MCM9: variants seen among roughly 807,000 people sequenced by gnomAD.
MCM9 encodes DNA helicase MCM9.
A neutral mutation model predicts 72.8 loss-of-function variants in MCM9; 55 were observed. The observed-to-expected ratio is 0.76, with a 90% confidence interval of 0.61 to 0.95. The LOEUF is 0.95. MCM9 is among the 40% of genes least tolerant of loss of function. The pLI, the probability that MCM9 is intolerant of heterozygous loss-of-function variation, is 0.00. For missense variants in MCM9, 1,279 were observed against 1,377.0 expected, an observed-to-expected ratio of 0.93 and a Z score of 1.13; for synonymous variants, 480 against 503.4, an observed-to-expected ratio of 0.95 and a Z score of 0.62.
At chr6:118,904,884 C>T (rs1780066171) in intron 8 of MCM9, among the ~76,000 whole-genome samples, 2 of 152,364 alleles carry the variant, frequency 1.3e-5, no homozygotes, top group South Asian at 4.1e-4. Context: ...TGTCGCCAGG[C>T]TGGAGTGCAG....
chr6:118,864,558 G>A (rs986825429), intron 8 of MCM9, among the ~76,000 whole-genome samples: 3 of 151,866 alleles, frequency 2.0e-5, no homozygotes, highest in African/African-American at 7.3e-5. Flanking sequence ...CACACTGGGC[G>A]ACTAAGAAAA....
intron 9 of MCM9, among the ~76,000 whole-genome samples, chr6:118,837,911 G>C (rs187016024): frequency 1.1e-4 from 17 of 152,242 alleles, no homozygotes; most frequent in Non-Finnish European, 2.1e-4. Flanking sequence ...TATGATGCTA[G>C]CTGGTTATTT....
chr6:118,902,166 A>AC (rs1779837419), intron 8 of MCM9, among the ~76,000 whole-genome samples: 1 of 152,188 alleles, frequency 6.6e-6, no homozygotes, highest in African/African-American at 2.4e-5. Flanking sequence ...TGGGTAACAG[A>AC]ATGCCCTGTT....
rs1047499145 is a variant in MCM9, at chr6:118,815,264, G to C, written c.2992C>G (p.Pro998Ala). The C allele has an allele frequency of 1.3e-6, 2 of 1,550,600 alleles. No homozygotes were observed. Among genetic ancestry groups the C allele is most frequent in the Middle Eastern group, 1.7e-4 (1 of 5,988 alleles). ...GETKEVSQQP[P>A]EKHGPREKVM... Reference sequence around the variant, plus strand: ...TTCTCTCTTGGTCCGTGTTTCTCTGGTGGCTGCTGCGACACCTCCTTTGTC... The same window carrying C: ...TTCTCTCTTGGTCCGTGTTTCTCTGCTGGCTGCTGCGACACCTCCTTTGTC... The change falls in exon 14 of 14, where the codon CCA (proline) becomes GCA (alanine). Residue 998 changes from proline to alanine, a missense_variant. Pro to Ala is a conservative substitution (Grantham distance 27). Coordinates refer to ENST00000619706, the MANE Select transcript of MCM9 (RefSeq NM_017696.3).
chr6:118,872,527 A>C (rs1777669158), intron 8 of MCM9, among the ~76,000 whole-genome samples: 1 of 152,112 alleles, frequency 6.6e-6, no homozygotes, highest in African/African-American at 2.4e-5. Flanking sequence ...CAGCAGGATC[A>C]CTTGAGGCCA....
Position 118,930,354 on chromosome 6 carries a change from T to C in MCM9, c.304+1066A>G, listed in dbSNP as rs1009749227. 6.6e-5 allele frequency among the ~76,000 whole-genome samples: 10 copies of C among 152,274 alleles called. No homozygotes were observed. The East Asian group carries it at 9.7e-4, about 15-fold the overall frequency. ...GTCTCGATTTCCTGACCTTGCGATC[T>C]GCCCGCCTTGGCCTCCCAAAGTGCT... On this transcript the variant is annotated intron_variant, in intron 3 of 13. Coordinates refer to ENST00000619706, the MANE Select transcript of MCM9 (RefSeq NM_017696.3).
chr6:118,914,927 T>G (rs1780820848), intron 6 of MCM9, among the ~76,000 whole-genome samples: 1 of 152,158 alleles, frequency 6.6e-6, no homozygotes, highest in South Asian at 2.1e-4. Context: ...GTCTGCAAAA[T>G]GGAGATTATA....
intron 3 of MCM9, among the ~76,000 whole-genome samples, chr6:118,926,121 T>C (rs1312223727): frequency 1.3e-5 from 2 of 152,208 alleles, no homozygotes; most frequent in Non-Finnish European, 2.9e-5. Context: ...TGGCAACCAT[T>C]GATCTACTTT....
intron 13 of MCM9, among the ~76,000 whole-genome samples, chr6:118,822,699 T>C (rs1292879721): frequency 6.6e-6 from 1 of 152,082 alleles, no homozygotes; most frequent in East Asian, 1.9e-4. Flanking sequence ...GGCAGGAAAG[T>C]TTTAGTCTGC....
In MCM9 at chr6:118,815,168, G is replaced by A. The variant is rs570626985; in HGVS notation, c.3088C>T (p.His1030Tyr). ...LELGNETGCAHLTCEGDKKEE... is the reference protein window; with the variant it reads ...LELGNETGCAYLTCEGDKKEE... ...TTTTTGTCTCCCTCACAAGTAAGATGAGCACACCCAGTCTCGTTCCCAAGC... is the reference window on the plus strand; with the variant it reads ...TTTTTGTCTCCCTCACAAGTAAGATAAGCACACCCAGTCTCGTTCCCAAGC... Residue 1030 changes from histidine (H) to tyrosine (Y), a missense_variant, in exon 14 of 14, where the codon CAT becomes TAT. By Grantham distance (83) the His-to-Tyr change is moderately conservative (BLOSUM62 2). Coordinates refer to ENST00000619706, the MANE Select transcript of MCM9 (RefSeq NM_017696.3). 79 of 1,550,454 alleles carry A rather than the reference G, an allele frequency of 5.1e-5. No individual in the cohort carries two copies. In the Admixed American group the frequency reaches 7.7e-4, roughly 15 times the overall value.
chr6:118,843,656 G>GTATATATATATATATATATATATATA (rs1171113167), intron 9 of MCM9, among the ~76,000 whole-genome samples: 1 of 11,944 alleles, frequency 8.4e-5, no homozygotes, highest in African/African-American at 2.0e-4. Flanking sequence ...ATATATATAT[G>GTATATATATATATATATATATATATA]TGTATATATA....
At position 118,931,697 on chromosome 6, in the gene MCM9, A is replaced by T. The variant is rs1238767408; in HGVS notation, c.27T>A (p.Val9=). 1.2e-6 allele frequency: 2 copies of T among 1,613,760 alleles called. No homozygotes were observed. Among genetic ancestry groups the T allele is most frequent in the Admixed American group, 3.3e-5 (2 of 60,000 alleles). MNSDQVTL[V]GQVFESYVSE... ...AAACATATGACTCAAACACTTGACC[A>T]ACCAGTGTAACTTGATCGCTATTCA... is the stretch of plus-strand genomic sequence containing the variant. The change falls in exon 3 of 14, where the codon GTT becomes GTA. Residue 9 remains valine, a synonymous_variant. Transcript: ENST00000619706.
chr6:118,861,089 T>A (rs1025087902), intron 8 of MCM9, among the ~76,000 whole-genome samples: 1 of 152,194 alleles, frequency 6.6e-6, no homozygotes, highest in East Asian at 1.9e-4. Context: ...ATGAGTGTGG[T>A]GTCCAGCCAC....
intron 8 of MCM9, among the ~76,000 whole-genome samples, chr6:118,895,244 C>G (rs993671477): frequency 2.0e-5 from 3 of 151,990 alleles, no homozygotes; most frequent in Non-Finnish European, 2.9e-5. Context: ...GGGTCCTGTT[C>G]GGCCGGTCCT....
chr6:118,858,693 G>A (rs1776721999), intron 8 of MCM9, among the ~76,000 whole-genome samples: 1 of 152,056 alleles, frequency 6.6e-6, no homozygotes, highest in Admixed American at 6.5e-5. Context: ...TGGAATATCT[G>A]GGTATAAGTC....
At position 118,814,020 on chromosome 6, in the gene MCM9, G is replaced by A. The variant is rs1376089573; in HGVS notation, c.*804C>T. 15 of 152,186 alleles carry A rather than the reference G, an allele frequency of 9.9e-5. No homozygotes were observed. Among genetic ancestry groups the A allele is most frequent in the Admixed American group, 8.5e-4 (13 of 15,236 alleles). The allele number at this position is 152,186 out of a possible 1,614,324, so 9.4% of individuals were successfully genotyped here. On this transcript the variant is annotated 3_prime_UTR_variant, in exon 14 of 14. Transcript: ENST00000619706. ...GCAATCATCCTGCCTCAGCCTCCCCGAGTAGCTAGGACTACAGGAGTGAGT... is the reference window on the plus strand; with the variant it reads ...GCAATCATCCTGCCTCAGCCTCCCCAAGTAGCTAGGACTACAGGAGTGAGT...
chr6:118,915,874 C>T (rs1780902857), intron 6 of MCM9, among the ~76,000 whole-genome samples: 2 of 152,158 alleles, frequency 1.3e-5, no homozygotes, highest in Admixed American at 1.3e-4. Flanking sequence ...CAACAGTAGC[C>T]TAATTAAAAC....
intron 8 of MCM9, chr6:118,894,147 G>T (rs1190843128): frequency 3.2e-6 from 4 of 1,232,364 alleles, no homozygotes; most frequent in Non-Finnish European, 3.1e-6. Context: ...TGGAGGAGGA[G>T]GGTCAGAACT....
At chr6:118,927,589 G>A (rs933820757) in intron 3 of MCM9, among the ~76,000 whole-genome samples, 47 of 150,988 alleles carry the variant, frequency 3.1e-4, no homozygotes, top group Admixed American at 1.3e-4. Flanking sequence ...TGGGCAACAA[G>A]AGCAAAACTC....
Sources: allele counts gnomAD v4.1 joint callset (sites outside exome capture counted in the v4.1 genomes callset), GRCh38; gene constraint gnomAD v4.1.1; transcripts MANE v1.5; gene names NCBI Gene and HGNC (gene_info 2026-07-23, HGNC 2026-07-21).